TMEM164: variants seen among roughly 807,000 people sequenced by gnomAD.
TMEM164 encodes the protein RP13-360B22.2.
In TMEM164, 4 loss-of-function variants were observed where a neutral mutation model predicts 18.8. That is an observed-to-expected ratio of 0.21 (90% CI 0.10 to 0.49). The LOEUF (loss-of-function observed/expected upper bound fraction) is 0.49, where lower values mean the gene tolerates loss of function less well. Ranked by LOEUF, TMEM164 falls within the 20% of genes least tolerant of loss-of-function variation. The probability of loss-of-function intolerance (pLI) is 0.98; values close to 1 mark genes in which losing one functional copy is unlikely to be tolerated. For missense variants in TMEM164, 108 were observed against 239.9 expected, an observed-to-expected ratio of 0.45 and a Z score of 3.63; for synonymous variants, 86 against 101.7, an observed-to-expected ratio of 0.85 and a Z score of 0.93.
At chrX:110,066,398 C>G (rs949760726) in intron 2 of TMEM164, among the ~76,000 whole-genome samples, 2 of 112,177 alleles carry the variant, frequency 1.8e-5, no homozygotes, top group African/African-American at 6.5e-5. Flanking sequence ...TGTCAATCCT[C>G]AGTTCTGCTG....
chrX:110,002,857 G>C (rs1311604090), upstream of TMEM164: 1 of 111,219 alleles, frequency 9.0e-6, no homozygotes, highest in Admixed American at 9.3e-5. Flanking sequence ...GGAGGAGGGA[G>C]GGGGGCCGGC....
At position 110,144,846 on chromosome X, in the gene TMEM164, G is replaced by A. The variant is rs1602702861; in HGVS notation, c.556G>A (p.Val186Met). ...IYYIQHVMLY[V>M]VPIYLLWKGG... ...CTACATTCAGCATGTTATGCTCTAC[G>A]TGGTACCCATCTACCTGCTTTGGAA... Residue 186 changes from valine to methionine, a missense_variant, in exon 5 of 7, where the codon GTG (valine) becomes ATG (methionine). Transcript: ENST00000372068. The A allele has an allele frequency of 1.1e-5, 13 of 1,208,171 alleles. No individual in the cohort carries two copies. Among genetic ancestry groups the A allele is most frequent in the South Asian group, 1.8e-5 (1 of 56,544 alleles).
chrX:110,138,261 A>G (rs2066718856), intron 4 of TMEM164, among the ~76,000 whole-genome samples: 2 of 112,555 alleles, frequency 1.8e-5, no homozygotes, highest in Non-Finnish European at 3.8e-5. Flanking sequence ...TTCTACAGGT[A>G]TTATTTCACC....
At chrX:110,148,954 T>G (rs991880030) in intron 5 of TMEM164, among the ~76,000 whole-genome samples, 15 of 111,282 alleles carry the variant, frequency 1.3e-4, no homozygotes, top group Non-Finnish European at 2.8e-4. Flanking sequence ...CCTTCACACC[T>G]AAGCATCCTA....
At chrX:110,163,752 G>A (rs937173128) in intron 5 of TMEM164, among the ~76,000 whole-genome samples, 3 of 112,111 alleles carry the variant, frequency 2.7e-5, no homozygotes, top group Non-Finnish European at 5.6e-5. Context: ...TGACTGGAGT[G>A]ATGCTGTTGA....
At chrX:110,128,671 C>T (rs1391696574) in intron 4 of TMEM164, among the ~76,000 whole-genome samples, 1 of 111,487 alleles carries the variant, frequency 9.0e-6, no homozygotes, top group East Asian at 2.8e-4. Flanking sequence ...ATATGTTAGT[C>T]CATCTTACTG....
At position 110,160,739 on chromosome X, in the gene TMEM164, T is replaced by A. The variant is rs763830172; in HGVS notation, c.587-10681T>A. Among the ~76,000 whole-genome samples the A allele has an allele frequency of 6.6e-4, 74 of 111,543 alleles. No homozygotes were observed. The Admixed American group carries it at 7.0e-3, about 11-fold the overall frequency. On this transcript the variant is annotated intron_variant, in intron 5 of 6. Coordinates refer to ENST00000372068, the MANE Select transcript of TMEM164 (RefSeq NM_032227.4). Reference sequence around the variant, plus strand: ...CCAGTAATAAGGTTGTTTTTTTGTTTTGTTTTGTTTTTTTGTTTTGAGACA... The same window carrying A: ...CCAGTAATAAGGTTGTTTTTTTGTTATGTTTTGTTTTTTTGTTTTGAGACA...
chrX:110,066,907 T>A (rs1306371700), intron 2 of TMEM164, among the ~76,000 whole-genome samples: 2 of 111,868 alleles, frequency 1.8e-5, no homozygotes, highest in Non-Finnish European at 3.8e-5. Flanking sequence ...TCATTGTTTA[T>A]CTGCAATTCG....
intron 2 of TMEM164, among the ~76,000 whole-genome samples, chrX:110,015,411 C>T (rs995004761): frequency 1.8e-5 from 2 of 112,022 alleles, no homozygotes; most frequent in African/African-American, 6.5e-5. Flanking sequence ...TAAACAGCAG[C>T]GCTTGGAAAT....
chrX:110,108,989 C>A, intron 3 of TMEM164, 91 bp from the exon 4 acceptor site: 1 of 844,470 alleles, frequency 1.2e-6, no homozygotes, highest in Non-Finnish European at 1.8e-6. Context: ...TAGTTCTCTT[C>A]CATATGCCGT....
In TMEM164 at chrX:110,017,405, C is replaced by CCTTTCTTTCTTTCTTTCTTT. The variant is rs1555984532; in HGVS notation, c.390+13264_390+13283dup. Among the ~76,000 whole-genome samples the CCTTTCTTTCTTTCTTTCTTT allele has an allele frequency of 9.8e-3, 150 of 15,282 alleles. 4 individuals are homozygous for CCTTTCTTTCTTTCTTTCTTT. Among genetic ancestry groups the CCTTTCTTTCTTTCTTTCTTT allele is most frequent in the African/African-American group, 0.016 (144 of 8,971 alleles). The allele number at this position is 15,282 out of a possible 115,157, so 13.3% of individuals were successfully genotyped here. On this transcript the variant is annotated intron_variant, in intron 2 of 6. Coordinates refer to ENST00000372068, the MANE Select transcript of TMEM164 (RefSeq NM_032227.4). ...TCTCCTGGCTGCAGGCCACCTCCTT[C>CCTTTCTTTCTTTCTTTCTTT]CTTTCTTTCTTTCTTTCTTTCTTTC...
intron 2 of TMEM164, among the ~76,000 whole-genome samples, chrX:110,062,704 G>A (rs919896774): frequency 5.4e-5 from 6 of 112,052 alleles, no homozygotes; most frequent in African/African-American, 1.9e-4. Flanking sequence ...GATAGTAGAA[G>A]TGTAGTAATT....
intron 5 of TMEM164, among the ~76,000 whole-genome samples, chrX:110,148,349 C>G (rs2066887415): frequency 9.0e-6 from 1 of 110,964 alleles, no homozygotes; most frequent in South Asian, 3.8e-4. Context: ...GCTTCTTTAC[C>G]CACATCCATC....
chrX:110,172,900 G>A (rs921570966), intron 6 of TMEM164, among the ~76,000 whole-genome samples: 6 of 112,107 alleles, frequency 5.4e-5, no homozygotes, highest in African/African-American at 1.9e-4. Flanking sequence ...TGGAGGCAGG[G>A]CCCACGCTGT....
intron 3 of TMEM164, among the ~76,000 whole-genome samples, chrX:110,078,103 A>G (rs1193706359): frequency 8.9e-6 from 1 of 112,341 alleles, no homozygotes; most frequent in African/African-American, 3.2e-5. Context: ...AGTGAGTCTT[A>G]GGTTTGGTCT....
At chrX:110,020,605 G>A (rs967227117) in intron 2 of TMEM164, 3 of 752,674 alleles carry the variant, frequency 4.0e-6, no homozygotes, top group Admixed American at 8.8e-5. Context: ...CAGAAGGCAG[G>A]AGCTGGTCCT....
intron 3 of TMEM164, among the ~76,000 whole-genome samples, chrX:110,072,511 C>T (rs1465733666): frequency 2.7e-5 from 3 of 109,884 alleles, no homozygotes; most frequent in Non-Finnish European, 3.8e-5. Context: ...AAATTTGTTG[C>T]CAAATATTTA....
chrX:110,041,831 A>G (rs778961054), intron 2 of TMEM164, among the ~76,000 whole-genome samples: 1 of 111,416 alleles, frequency 9.0e-6, no homozygotes, highest in East Asian at 2.8e-4. Context: ...ACAAATGCAT[A>G]CAGTTCTATG....
Position 110,024,973 on chromosome X carries a change from A to G in TMEM164, c.390+20809A>G, listed in dbSNP as rs992148922. ...TGGTAGGCTTGATCTTAAAATTTTT[A>G]TGTTGTTGTTATTGTTGGGTGTGTG... On this transcript the variant is annotated intron_variant, in intron 2 of 6. Coordinates refer to ENST00000372068, the MANE Select transcript of TMEM164 (RefSeq NM_032227.4). Among the ~76,000 whole-genome samples, 6 of 97,514 alleles carry G rather than the reference A, an allele frequency of 6.2e-5. No individual in the cohort carries two copies. The Admixed American group carries it at 6.7e-4, about 11-fold the overall frequency. 84.7% of individuals were successfully genotyped at this position (97,514 alleles called of 115,157 possible).
Sources: gnomAD v4.1 joint callset for allele counts (sites outside exome capture counted in the v4.1 genomes callset) on GRCh38, gnomAD v4.1.1 for gene constraint, MANE v1.5 for transcripts, NCBI Gene and HGNC (gene_info 2026-07-23, HGNC 2026-07-21) for gene names.